Variants in JAKMIP1 observed in about 807,000 individuals in gnomAD.
The protein encoded by JAKMIP1 is janus kinase and microtubule interacting protein 1, also known as janus kinase and microtubule-interacting protein 1.
A neutral mutation model predicts 113.0 loss-of-function variants in JAKMIP1; 33 were observed. The ratio of observed to expected loss-of-function variants is 0.29; its 90% CI spans 0.22 to 0.39. JAKMIP1 has a LOEUF of 0.39. Ranked by LOEUF, JAKMIP1 falls within the 10% of genes least tolerant of loss-of-function variation. JAKMIP1 has a pLI of 1.00. For missense variants in JAKMIP1, 813 were observed against 1,080.5 expected (o/e 0.75, Z 3.47); for synonymous variants, 480 against 459.9 (o/e 1.04, Z -0.56).
At position 6,084,911 on chromosome 4, in the gene JAKMIP1, G is replaced by A; in HGVS notation, c.889C>T (p.Leu297=). Reference sequence around the variant, plus strand: ...TCCAGCTTCCGTATCACTGAATTCAGTTCAGCAATTTTTAGTTGAAATCGC... The same window carrying A: ...TCCAGCTTCCGTATCACTGAATTCAATTCAGCAATTTTTAGTTGAAATCGC... ...VRRFQLKIAE[L]NSVIRKLEDR... The change falls in exon 5 of 21, where the codon CTG becomes TTG. Residue 297 remains leucine, a synonymous_variant. Transcript: ENST00000409021. The A allele has an allele frequency of 6.8e-7, 1 of 1,467,236 alleles. No homozygotes were observed. Among genetic ancestry groups the A allele is most frequent in the Non-Finnish European group, 9.1e-7 (1 of 1,098,614 alleles). 90.9% of individuals were successfully genotyped at this position (1,467,236 alleles called of 1,614,324 possible). A position where few individuals can be genotyped will look rare whatever the true frequency, so the allele number is the denominator to read the frequency against.
chr4:6,170,685 TGTCACCCTCCTTAAC>T (rs1560317090), intron 1 of JAKMIP1, among the ~76,000 whole-genome samples: 11 of 144,708 alleles, frequency 7.6e-5, no homozygotes, highest in Non-Finnish European at 1.7e-4. Flanking sequence ...TCACCTCCAC[TGTCACCCTCCTTAAC>T]ACCATCACCA....
chr4:6,124,113 G>A (rs779478785), intron 1 of JAKMIP1, among the ~76,000 whole-genome samples: 14 of 152,302 alleles, frequency 9.2e-5, no homozygotes, highest in East Asian at 1.9e-4. Context: ...CACCATTCCC[G>A]CCATGGCCCT....
intron 8 of JAKMIP1, among the ~76,000 whole-genome samples, chr4:6,068,247 T>C (rs1476520850): frequency 1.3e-5 from 2 of 152,206 alleles, no homozygotes; most frequent in Non-Finnish European, 2.9e-5. Flanking sequence ...ACTACCGATG[T>C]TGCCGCCTGT....
In JAKMIP1 at chr4:6,157,600, T is replaced by C. The variant is rs992190761; in HGVS notation, c.-148+42653A>G. On this transcript the variant is annotated intron_variant, in intron 1 of 20. Transcript: ENST00000409021. The surrounding 1 kb of genome is among the most constrained non-coding windows in gnomAD (Gnocchi z 4.7). ...AGACCATCACAACTCAGAACCGGGATCTCCGAGCTACAATCCCACCAGAAT... is the reference window on the plus strand; with the variant it reads ...AGACCATCACAACTCAGAACCGGGACCTCCGAGCTACAATCCCACCAGAAT... 3.9e-5 allele frequency among the ~76,000 whole-genome samples: 6 copies of C among 152,174 alleles called. No individual in the cohort carries two copies. The highest frequency in any genetic ancestry group is 3.9e-4 in the Admixed American group (6 of 15,278).
chr4:6,105,375 G>C, intron 3 of JAKMIP1, 98 bp downstream of exon 3: 1 of 1,267,992 alleles, frequency 7.9e-7, no homozygotes, highest in East Asian at 2.4e-5. Flanking sequence ...TTTGAACAAT[G>C]CCTGGAGCAC....
intron 1 of JAKMIP1, among the ~76,000 whole-genome samples, chr4:6,145,194 A>G (rs114878836): frequency 0.023 from 3,455 of 152,322 alleles, 62 homozygotes; most frequent in Admixed American, 0.059. Flanking sequence ...GAATCGTAGA[A>G]ACAGCCAGTA....
At chr4:6,127,792 TG>T (rs1717917104) in intron 1 of JAKMIP1, among the ~76,000 whole-genome samples, 1 of 152,228 alleles carries the variant, frequency 6.6e-6, no homozygotes, top group Non-Finnish European at 1.5e-5. Flanking sequence ...GGCTCACCCT[TG>T]GCAGCTCTCA....
chr4:6,149,415 G>T (rs894625927), intron 1 of JAKMIP1, among the ~76,000 whole-genome samples: 2 of 152,102 alleles, frequency 1.3e-5, no homozygotes, highest in African/African-American at 2.4e-5. Flanking sequence ...GCCATCTGTC[G>T]TAGGAGAAAC....
At chr4:6,071,719 G>A (rs952195693) in intron 8 of JAKMIP1, among the ~76,000 whole-genome samples, 1 of 152,170 alleles carries the variant, frequency 6.6e-6, no homozygotes, top group Non-Finnish European at 1.5e-5. Context: ...CTCCTCTGGC[G>A]GTACCTCCAG....
rs6446447 is a variant in JAKMIP1 at position 6,061,094 on chromosome 4, T to C, written c.1561-587A>G. Among the ~76,000 whole-genome samples, 48,014 of 152,254 alleles carry C rather than the reference T, an allele frequency of 0.32. 12,663 individuals carry two copies. The highest frequency in any genetic ancestry group is 0.73 in the African/African-American group (30,237 of 41,532). The stretch of plus-strand genomic sequence containing the variant: ...ACGTCCCATCTCAGGGAGACACTGC[T>C]ACCCAGCAGCAGCCACAAGAAATGG... On this transcript the variant is annotated intron_variant, in intron 10 of 20. Transcript: ENST00000409021. This position sits in a 1 kb window ranked among gnomAD's most constrained non-coding sequence, Gnocchi z 5.3.
intron 3 of JAKMIP1, among the ~76,000 whole-genome samples, chr4:6,105,267 T>C (rs1713708461): frequency 6.6e-6 from 1 of 152,198 alleles, no homozygotes; most frequent in Non-Finnish European, 1.5e-5. Context: ...TTAAGCTCCT[T>C]TGACAAATGG....
chr4:6,105,374 T>C, intron 3 of JAKMIP1, 99 bp downstream of exon 3: 2 of 1,263,610 alleles, frequency 1.6e-6, no homozygotes, highest in East Asian at 2.4e-5. Context: ...CTTTGAACAA[T>C]GCCTGGAGCA....
At chr4:6,032,175 C>T (rs536367407) in intron 19 of JAKMIP1, among the ~76,000 whole-genome samples, 2 of 152,236 alleles carry the variant, frequency 1.3e-5, no homozygotes, top group African/African-American at 2.4e-5. Flanking sequence ...CCCATGACAC[C>T]GAGGGTGAAA....
At chr4:6,125,245 T>C (rs1225072745) in intron 1 of JAKMIP1, among the ~76,000 whole-genome samples, 1 of 152,076 alleles carries the variant, frequency 6.6e-6, no homozygotes, top group African/African-American at 2.4e-5. Flanking sequence ...TGGGCAATTA[T>C]GTCATCAGCA....
At chr4:6,148,999 C>A (rs1002822331) in intron 1 of JAKMIP1, among the ~76,000 whole-genome samples, 6 of 152,098 alleles carry the variant, frequency 3.9e-5, no homozygotes, top group Non-Finnish European at 7.4e-5. Flanking sequence ...GCCACGGATG[C>A]TTTAGGTTTG....
In JAKMIP1 at chr4:6,050,009, G is replaced by A. The variant is rs542433277; in HGVS notation, c.1909-137C>T. 8.8e-5 allele frequency: 57 copies of A among 647,854 alleles called. No homozygotes were observed. The highest frequency in any genetic ancestry group is 4.7e-4 in the African/African-American group (26 of 55,010). The allele number at this position is 647,854 out of a possible 1,614,324, so 40.1% of individuals were successfully genotyped here. ...TTCTGGCCAAGTTTTGCGCCCAGCC[G>A]TTCCTCTGGGGAGTGAGGGAGAGAA... On this transcript the variant is annotated intron_variant, in intron 14 of 20. Coordinates refer to ENST00000409021, the MANE Select transcript of JAKMIP1 (RefSeq NM_001099433.2). This position sits in a 1 kb window ranked among gnomAD's most constrained non-coding sequence, Gnocchi z 7.4.
chr4:6,133,662 T>C (rs1001784196), intron 1 of JAKMIP1, among the ~76,000 whole-genome samples: 1 of 152,208 alleles, frequency 6.6e-6, no homozygotes, highest in African/African-American at 2.4e-5. Context: ...AATTTTGCCC[T>C]GGGACCATGC....
In JAKMIP1 at chr4:6,168,010, C is replaced by T. The variant is rs879500016; in HGVS notation, c.-148+32243G>A. 1.3e-5 allele frequency among the ~76,000 whole-genome samples: 2 copies of T among 152,172 alleles called. No individual in the cohort carries two copies. Among genetic ancestry groups the T allele is most frequent in the Non-Finnish European group, 2.9e-5 (2 of 68,036 alleles). ...CACCCGGTGTTCAACAGGGAAGACA[C>T]ACAAATGGCCAAGGAGCACCTGAAG... On this transcript the variant is annotated intron_variant, in intron 1 of 20. Coordinates refer to ENST00000409021, the MANE Select transcript of JAKMIP1 (RefSeq NM_001099433.2). The surrounding 1 kb of genome is among the most constrained non-coding windows in gnomAD (Gnocchi z 4.6).
At chr4:6,132,440 A>G (rs1441334040) in intron 1 of JAKMIP1, among the ~76,000 whole-genome samples, 1 of 152,042 alleles carries the variant, frequency 6.6e-6, no homozygotes, top group African/African-American at 2.4e-5. Context: ...TCAGGAGTTC[A>G]AGACCAGCCT....
Sources: gnomAD v4.1 joint callset for allele counts (sites outside exome capture counted in the v4.1 genomes callset) on GRCh38, gnomAD v4.1.1 for gene constraint, Gnocchi (gnomAD v3.1) non-coding constraint, MANE v1.5 for transcripts, NCBI Gene and HGNC (gene_info 2026-07-23, HGNC 2026-07-21) for gene names.